The following MGAM2 variants were observed in gnomAD, a reference collection of about 807,000 sequenced individuals.
The protein encoded by MGAM2 is probable maltase-glucoamylase 2.
MGAM2 carries 98 observed loss-of-function variants against 96.1 expected under a neutral mutation model. The observed-to-expected ratio is 1.02, with a 90% CI of 0.87 to 1.21. The LOEUF (loss-of-function observed/expected upper bound fraction) is 1.21. Among genes scored for constraint, MGAM2 ranks in the 50% most tolerant of loss-of-function variants. The pLI is 0.00. For synonymous variants in MGAM2, 749 were observed against 414.8 expected (o/e 1.81, Z -9.79); for missense variants, 2,055 against 1,182.4 (o/e 1.74, Z -10.82).
chr7:142,180,330 T>G (rs1451363911), intron 32 of MGAM2, among the ~76,000 whole-genome samples: 1 of 152,190 alleles, frequency 6.6e-6, no homozygotes, highest in Admixed American at 6.5e-5. Flanking sequence ...TTGTATGGAT[T>G]TTTGAATCTC....
chr7:142,170,626 T>C (rs902435846), intron 27 of MGAM2, among the ~76,000 whole-genome samples: 3 of 152,158 alleles, frequency 2.0e-5, no homozygotes, highest in Non-Finnish European at 4.4e-5. Flanking sequence ...TAGCTTCTTG[T>C]AACGTTTGCT....
intron 23 of MGAM2, among the ~76,000 whole-genome samples, chr7:142,162,546 T>A (rs1795920936): frequency 6.6e-6 from 1 of 152,038 alleles, no homozygotes; most frequent in African/African-American, 2.4e-5. Context: ...CTTAGAAGCC[T>A]GATCATATAT....
In MGAM2 at chr7:142,220,296, A is replaced by T. The variant is rs534270532; in HGVS notation, c.5785A>T (p.Ser1929Cys). ...NTTAPFPTNA[S>C]TASTNATVPI... ...AACTGCCCCTTTCCCAACAAATGCT[A>T]GTACTGCTAGCACTAATGCTACTGT... Residue 1929 changes from serine (S) to cysteine (C), a missense_variant, in exon 48 of 48, where the codon AGT becomes TGT. Coordinates refer to ENST00000477922, the MANE Select transcript of MGAM2 (RefSeq NM_001293626.2). 1.6e-5 allele frequency: 11 copies of T among 702,652 alleles called. No homozygotes were observed. The highest frequency in any genetic ancestry group is 2.6e-5 in the Non-Finnish European group (10 of 384,938). The allele number at this position is 702,652 out of a possible 1,614,324, so 43.5% of individuals were successfully genotyped here. A position where few individuals can be genotyped will look rare whatever the true frequency, so the allele number is the denominator to read the frequency against.
At chr7:142,147,774 A>G (rs963743761) in intron 15 of MGAM2, among the ~76,000 whole-genome samples, 1 of 152,206 alleles carries the variant, frequency 6.6e-6, no homozygotes, top group African/African-American at 2.4e-5. Context: ...TGATTAGCTT[A>G]TGGCTAAGGA....
rs1233508154 is a variant in MGAM2, at chr7:142,143,856, C to T, written c.1405C>T (p.His469Tyr). 1 of 702,782 alleles carries T rather than the reference C, an allele frequency of 1.4e-6. No individual in the cohort carries two copies. The highest frequency in any genetic ancestry group is 2.6e-6 in the Non-Finnish European group (1 of 384,886). 43.5% of individuals were successfully genotyped at this position (702,782 alleles called of 1,614,324 possible). ...AGATCAGGTCGCTAAATTTCATGAT[C>T]ATCTGGAGTTTGATGGAGTGTGGAT... ...WTDQVAKFHDHLEFDGVWIEM... is the reference protein window; with the variant it reads ...WTDQVAKFHDYLEFDGVWIEM... Residue 469 changes from histidine to tyrosine, a missense_variant, in exon 13 of 48, where the codon CAT becomes TAT. By Grantham distance (83) the His-to-Tyr change is moderately conservative. Coordinates refer to ENST00000477922, the MANE Select transcript of MGAM2 (RefSeq NM_001293626.2).
chr7:142,143,735 A>G (rs1356550455), intron 12 of MGAM2, 34 bp from the exon 13 acceptor site: 1 of 534,846 alleles, frequency 1.9e-6, no homozygotes. Flanking sequence ...ACCTTCAACC[A>G]AGCTGATTGC....
At chr7:142,121,092 T>C (rs1268551960) in intron 3 of MGAM2, among the ~76,000 whole-genome samples, 2 of 152,262 alleles carry the variant, frequency 1.3e-5, no homozygotes. Context: ...TTAAACAATA[T>C]TCACATTTTG....
At position 142,114,199 on chromosome 7, in the gene MGAM2, A is replaced by AAAGAAAGAAAG. The variant is rs1554499578; in HGVS notation, c.-1+2395_-1+2405dup. On this transcript the variant is annotated intron_variant, in intron 1 of 47. Transcript: ENST00000477922. ...GAAAGAAAGAAAGAAAGAAAGAAAG[A>AAAGAAAGAAAG]AAGAAAGAAAGAAAGAGAGAAAGAA... 3.0e-4 allele frequency among the ~76,000 whole-genome samples: 30 copies of AAAGAAAGAAAG among 101,056 alleles called. No homozygotes were observed. In the East Asian group the frequency reaches 6.2e-3, roughly 21 times the overall value. 66.3% of individuals were successfully genotyped at this position (101,056 alleles called of 152,430 possible).
chr7:142,144,040 A>G, intron 13 of MGAM2, 158 bp downstream of exon 13: 1 of 495,340 alleles, frequency 2.0e-6, no homozygotes, highest in Non-Finnish European at 3.6e-6. Context: ...GTCTATATCC[A>G]GTGAATTAGG....
intron 32 of MGAM2, among the ~76,000 whole-genome samples, chr7:142,176,404 C>T (rs953994483): frequency 2.6e-5 from 4 of 152,188 alleles, no homozygotes; most frequent in Non-Finnish European, 5.9e-5. Flanking sequence ...TGCTCACTTA[C>T]TAATTCACGT....
chr7:142,143,910 C>T (rs1417588961), intron 13 of MGAM2, 28 bp downstream of exon 13: 1 of 700,020 alleles, frequency 1.4e-6, no homozygotes, highest in Admixed American at 2.0e-5. Context: ...ACTCAAATTT[C>T]CTTTGGAAAC....
chr7:142,196,940 T>A, intron 40 of MGAM2, 124 bp downstream of exon 40: 1 of 612,008 alleles, frequency 1.6e-6, no homozygotes, highest in South Asian at 2.0e-5. Flanking sequence ...TCTTAATTTC[T>A]TGGAAAATCC....
intron 35 of MGAM2, 36 bp from the exon 36 acceptor site, chr7:142,187,714 G>T: frequency 1.4e-6 from 1 of 700,826 alleles, no homozygotes; most frequent in South Asian, 1.5e-5. Context: ...TCCTGCCCCT[G>T]ACATGACGAG....
In MGAM2 at chr7:142,178,212, T is replaced by G. The variant is rs183360207; in HGVS notation, c.3816+2432T>G. The stretch of plus-strand genomic sequence containing the variant: ...CTGCCTACTTTTTAATGGGATGGTT[T>G]GTTTTTGGCTTGTTGATTTAAGTTC... On this transcript the variant is annotated intron_variant, in intron 32 of 47. Transcript: ENST00000477922. Among the ~76,000 whole-genome samples, 8 of 152,328 alleles carry G rather than the reference T, an allele frequency of 5.3e-5. No homozygotes were observed. The East Asian group carries it at 1.5e-3, about 29-fold the overall frequency.
chr7:142,206,507 A>G (rs1797406018), intron 45 of MGAM2, among the ~76,000 whole-genome samples: 1 of 152,174 alleles, frequency 6.6e-6, no homozygotes, highest in Non-Finnish European at 1.5e-5. Context: ...AAGTCCTTTG[A>G]TACAGGTTTA....
chr7:142,198,158 C>T lies in MGAM2; in HGVS notation c.4886C>T (p.Ala1629Val), dbSNP rs1797108710. The part of the protein sequence containing the change: ...VLETSTFEIS[A>V]YFPRARWYDY... ...TTTCAGAGCACATTTGAGATCTCTG[C>T]TTATTTTCCGAGAGCCCGTTGGTAT... The change falls in exon 43 of 48, where the codon GCT becomes GTT. Residue 1629 changes from alanine (A) to valine (V), a missense_variant. Transcript: ENST00000477922. 7.1e-6 allele frequency: 5 copies of T among 702,890 alleles called. No homozygotes were observed. The Admixed American group carries it at 1.0e-4, about 14-fold the overall frequency. The allele number at this position is 702,890 out of a possible 1,614,324, so 43.5% of individuals were successfully genotyped here. A position where few individuals can be genotyped will look rare whatever the true frequency, so the allele number is the denominator to read the frequency against.
At chr7:142,201,172 T>C in intron 45 of MGAM2, among the ~76,000 whole-genome samples, 1 of 136,828 alleles carries the variant, frequency 7.3e-6, no homozygotes, top group East Asian at 2.4e-4. Flanking sequence ...CTAATTCAAG[T>C]GATTCTCCTG....
In MGAM2 at chr7:142,208,854, G is replaced by T. The variant is rs115611472; in HGVS notation, c.5187+232G>T. 3.1e-3 allele frequency among the ~76,000 whole-genome samples: 471 copies of T among 152,104 alleles called. 4 individuals are homozygous for T. The highest frequency in any genetic ancestry group is 0.011 in the African/African-American group (455 of 41,500). ...AAACTTGGAATTCATACAATGCTGG[G>T]GAAAAAATGGGGCCTTAAATGTGTA... On this transcript the variant is annotated intron_variant, in intron 46 of 47. Coordinates refer to ENST00000477922, the MANE Select transcript of MGAM2 (RefSeq NM_001293626.2).
intron 6 of MGAM2, among the ~76,000 whole-genome samples, chr7:142,133,636 A>T (rs1443459699): frequency 6.6e-6 from 1 of 152,096 alleles, no homozygotes; most frequent in African/African-American, 2.4e-5. Flanking sequence ...CCTTGTCCAA[A>T]AAAAGGGACT....
Sources: allele counts gnomAD v4.1 joint callset (sites outside exome capture counted in the v4.1 genomes callset), GRCh38; gene constraint gnomAD v4.1.1; transcripts MANE v1.5; gene names NCBI Gene and HGNC (gene_info 2026-07-23, HGNC 2026-07-21).